Variants in TBX1 observed in about 807,000 individuals in gnomAD.
The protein encoded by TBX1 is T-box transcription factor 1.
Under a neutral mutation model 40.8 loss-of-function variants are expected in TBX1, and 16 were observed. That is an observed-to-expected ratio of 0.39 (90% CI 0.27 to 0.60). TBX1 has a LOEUF of 0.60. Among genes scored for constraint, TBX1 ranks in the 20% least tolerant of loss-of-function variants. TBX1 has a pLI of 0.51. For synonymous variants in TBX1, 403 were observed against 336.8 expected, an observed-to-expected ratio of 1.20 and a Z score of -2.15; for missense variants, 755 against 728.5, an observed-to-expected ratio of 1.04 and a Z score of -0.42.
At chr22:19,769,486 C>T (rs957153847), downstream of TBX1, among the ~76,000 whole-genome samples, 3 of 152,240 alleles carry the variant, frequency 2.0e-5, no homozygotes, top group Non-Finnish European at 2.9e-5. Context: ...CGCAGGCCGG[C>T]GTCTGGGTGG....
At chr22:19,775,007 G>A (rs1314310030) in intron 8 of TBX1, among the ~76,000 whole-genome samples, 2 of 152,168 alleles carry the variant, frequency 1.3e-5, no homozygotes, top group Non-Finnish European at 2.9e-5. Context: ...CCTCGAACTC[G>A]GGTTCAGGCT....
intron 8 of TBX1, among the ~76,000 whole-genome samples, chr22:19,772,629 G>T (rs1555897754): frequency 6.6e-6 from 1 of 151,630 alleles, no homozygotes; most frequent in Non-Finnish European, 1.5e-5. Flanking sequence ...TTCTCAAATA[G>T]TTTTTTTTTC....
chr22:19,764,254 G>A lies in TBX1; in HGVS notation c.639G>A (p.Ala213=), dbSNP rs778071107. 22 of 1,613,288 alleles carry A rather than the reference G, an allele frequency of 1.4e-5. No homozygotes were observed. The highest frequency in any genetic ancestry group is 6.7e-5 in the African/African-American group (5 of 74,944). Residue 213 remains alanine, a synonymous_variant, in exon 3 of 7, where the codon GCG becomes GCA. Transcript: ENST00000649276. ...ACCCGGACTCGCCTGCCAAGGGCGCGCAGTGGATGAAGCAAATCGTGTCCT... is the reference window on the plus strand; with the variant it reads ...ACCCGGACTCGCCTGCCAAGGGCGCACAGTGGATGAAGCAAATCGTGTCCT... ...HYHPDSPAKG[A]QWMKQIVSFD...
chr22:19,758,140 C>A (rs1936528307), upstream of TBX1, among the ~76,000 whole-genome samples: 1 of 152,220 alleles, frequency 6.6e-6, no homozygotes, highest in Non-Finnish European at 1.5e-5. Context: ...CAGTTCCCAG[C>A]CAGCATCCTC....
chr22:19,778,116 G>A (rs1937094865), intron 8 of TBX1, among the ~76,000 whole-genome samples: 1 of 152,072 alleles, frequency 6.6e-6, no homozygotes, highest in Admixed American at 6.6e-5. Context: ...TCAAGAGACA[G>A]GATCTTGCTC....
At chr22:19,763,848 C>T in intron 2 of TBX1, 1 of 523,654 alleles carries the variant, frequency 1.9e-6, no homozygotes, top group South Asian at 2.4e-5. Context: ...TGTGGGCTCC[C>T]ACCGCAGCGG....
downstream of TBX1, among the ~76,000 whole-genome samples, chr22:19,779,897 A>G (rs713675): frequency 0.48 from 73,527 of 151,840 alleles, 18,333 homozygotes; most frequent in African/African-American, 0.58. Flanking sequence ...TCCCAGGCGG[A>G]GGCACCACGG....
At chr22:19,767,566 GCACTCCCC>G (rs1163961065), downstream of TBX1, among the ~76,000 whole-genome samples, 1 of 152,016 alleles carries the variant, frequency 6.6e-6, no homozygotes, top group Non-Finnish European at 1.5e-5. Context: ...CCAGGCCTGT[GCACTCCCC>G]CCACCTTCCC....
At chr22:19,759,606 G>A (rs1444986081), upstream of TBX1, 2 of 1,609,908 alleles carry the variant, frequency 1.2e-6, no homozygotes, top group Non-Finnish European at 1.7e-6. Flanking sequence ...TCCTCCGACC[G>A]GGTGAAGCTT....
At chr22:19,769,024 G>A (rs1016648146), downstream of TBX1, among the ~76,000 whole-genome samples, 3 of 146,184 alleles carry the variant, frequency 2.1e-5, no homozygotes, top group African/African-American at 2.5e-5. Flanking sequence ...GCCGTGGTGC[G>A]ATCTCGGCTC....
chr22:19,768,050 A>C (rs959419861), downstream of TBX1, among the ~76,000 whole-genome samples: 1 of 152,188 alleles, frequency 6.6e-6, no homozygotes, highest in Non-Finnish European at 1.5e-5. Context: ...ACTCAACACC[A>C]GGGATGGGGC....
At chr22:19,771,047 G>C (rs549148717), downstream of TBX1, among the ~76,000 whole-genome samples, 2 of 152,302 alleles carry the variant, frequency 1.3e-5, no homozygotes, top group South Asian at 4.1e-4. Context: ...CCATGGGCAC[G>C]GGGACGTTCA....
At chr22:19,759,751 C>G, upstream of TBX1, 6 of 1,548,904 alleles carry the variant, frequency 3.9e-6, no homozygotes, top group Non-Finnish European at 5.3e-6. Context: ...GGCCCGGGTG[C>G]AAAGTAGGTG....
chr22:19,763,342 G>A lies in TBX1; in HGVS notation c.539G>A (p.Arg180Gln), dbSNP rs770313856. 3 of 1,614,058 alleles carry A rather than the reference G, an allele frequency of 1.9e-6. No homozygotes were observed. The highest frequency in any genetic ancestry group is 2.2e-5 in the East Asian group (1 of 44,874). Residue 180 changes from arginine to glutamine, a missense_variant and splice_region_variant, in exon 2 of 7, where the codon CGG becomes CAG. Arg to Gln is a conservative substitution (Grantham distance 43). Around this residue, in one of 3 missense-constraint regions of TBX1, gnomAD observed 144 missense variants for 238.0 expected, o/e 0.61. Transcript: ENST00000649276. ...DFVPVDDKRY[R>Q]YAFHSSSWLV... ...GTGCCGGTGGACGATAAGCGCTACC[G>A]GTGAGCGAGTGGTTGTAAGCGTGAG...
Position 19,764,228 on chromosome 22 carries a change from C to G in TBX1, c.613C>G (p.His205Asp), listed in dbSNP as rs1316409370. The G allele has an allele frequency of 6.2e-7, 1 of 1,613,084 alleles. No individual in the cohort carries two copies. The highest frequency in any genetic ancestry group is 8.5e-7 in the Non-Finnish European group (1 of 1,179,966). The change falls in exon 3 of 7, where the codon CAC (histidine) becomes GAC (aspartate). Residue 205 changes from histidine (H) to aspartate (D), a missense_variant. Coordinates refer to ENST00000649276, the MANE Select transcript of TBX1 (RefSeq NM_001379200.1). Reference sequence around the variant, plus strand: ...TGCCACGCCAGGCCGCGTGCACTACCACCCGGACTCGCCTGCCAAGGGCGC... The same window carrying G: ...TGCCACGCCAGGCCGCGTGCACTACGACCCGGACTCGCCTGCCAAGGGCGC... ...DPATPGRVHY[H>D]PDSPAKGAQW...
intron 8 of TBX1, among the ~76,000 whole-genome samples, chr22:19,774,656 G>A (rs41297792): frequency 2.1e-3 from 313 of 152,256 alleles, no homozygotes; most frequent in African/African-American, 6.9e-3. Context: ...AGGGAATTCT[G>A]TTACATGCTA....
At position 19,766,590 on chromosome 22, in the gene TBX1, C is replaced by T. The variant is rs557935727; in HGVS notation, c.1238C>T (p.Ala413Val). The T allele has an allele frequency of 4.1e-6, 6 of 1,478,238 alleles. No individual in the cohort carries two copies. The South Asian group carries it at 6.4e-5, about 16-fold the overall frequency. The allele number at this position is 1,478,238 out of a possible 1,614,324, so 91.6% of individuals were successfully genotyped here. A position where few individuals can be genotyped will look rare whatever the true frequency, so the allele number is the denominator to read the frequency against. Reference protein sequence around the residue: ...SPPNPELRLEAPGASEPLHHH... With the variant: ...SPPNPELRLEVPGASEPLHHH... ...CCGAACCCCGAGCTGCGCCTGGAGG[C>T]GCCCGGCGCATCGGAGCCGCTGCAC... Residue 413 changes from alanine to valine, a missense_variant, in exon 7 of 7, where the codon GCG (alanine) becomes GTG (valine). This residue lies in a region of TBX1 where 412 missense variants were observed against 317.6 expected (regional missense o/e 1.30). Coordinates refer to ENST00000649276, the MANE Select transcript of TBX1 (RefSeq NM_001379200.1).
chr22:19,760,563 C>CGGGGGGCCCCGGGCCG, upstream of TBX1, among the ~76,000 whole-genome samples: 1 of 133,254 alleles, frequency 7.5e-6, no homozygotes, highest in Non-Finnish European at 1.6e-5. Flanking sequence ...TCCGGGCGGT[C>CGGGGGGCCCCGGGCCG]GGGGGGCCCC....
chr22:19,776,339 C>G (rs773185388), intron 8 of TBX1, among the ~76,000 whole-genome samples: 11 of 152,218 alleles, frequency 7.2e-5, no homozygotes, highest in Non-Finnish European at 1.3e-4. Context: ...CAGGAAGGCC[C>G]AGTCCTCCCT....
Sources: allele counts gnomAD v4.1 joint callset (sites outside exome capture counted in the v4.1 genomes callset), GRCh38; gene constraint gnomAD v4.1.1; regional missense constraint gnomAD v4.1.1; transcripts MANE v1.5; gene names NCBI Gene and HGNC (gene_info 2026-07-23, HGNC 2026-07-21).